SYNE1: variants seen among roughly 807,000 people sequenced by gnomAD.
SYNE1 encodes the protein spectrin repeat containing nuclear envelope protein 1.
Under a neutral mutation model 1,111.0 loss-of-function variants are expected in SYNE1, and 616 were observed. The observed-to-expected ratio is 0.55, with a 90% CI of 0.52 to 0.59. The LOEUF (loss-of-function observed/expected upper bound fraction) is 0.59, where lower values mean the gene tolerates loss of function less well. Among genes scored for constraint, SYNE1 ranks in the 20% least tolerant of loss-of-function variants. The pLI is 0.00. For missense variants in SYNE1, 10,006 were observed against 10,417.0 expected (o/e 0.96, Z 1.72); for synonymous variants, 3,855 against 3,825.8 (o/e 1.01, Z -0.28).
At chr6:152,355,204 C>T (rs2096815699) in intron 66 of SYNE1, among the ~76,000 whole-genome samples, 1 of 152,058 alleles carries the variant, frequency 6.6e-6, no homozygotes, top group Admixed American at 6.6e-5. Flanking sequence ...ACACACACCC[C>T]AATATTTTTC....
chr6:152,488,212 A>G (rs533871534), intron 12 of SYNE1, among the ~76,000 whole-genome samples, 184 bp downstream of exon 12: 9 of 152,330 alleles, frequency 5.9e-5, no homozygotes, highest in African/African-American at 2.2e-4. Context: ...GCAACTTAAG[A>G]CTATCTACAT....
intron 3 of SYNE1, among the ~76,000 whole-genome samples, chr6:152,545,302 G>A (rs1918335): frequency 0.024 from 3,724 of 152,060 alleles, 146 homozygotes; most frequent in African/African-American, 0.084. Context: ...GGAAGAGTCC[G>A]GGTGCTGTGG....
chr6:152,631,991 A>G (rs2099698675), intron 2 of SYNE1, among the ~76,000 whole-genome samples: 1 of 151,992 alleles, frequency 6.6e-6, no homozygotes, highest in African/African-American at 2.4e-5. Flanking sequence ...TCCACATACC[A>G]CTTGAAGCTT....
intron 140 of SYNE1, among the ~76,000 whole-genome samples, chr6:152,138,128 G>C (rs964479500): frequency 2.0e-5 from 3 of 152,112 alleles, no homozygotes; most frequent in African/African-American, 7.2e-5. Context: ...GAAATTCATG[G>C]GGTAGTGTAG....
chr6:152,228,038 G>A (rs2081996265), intron 115 of SYNE1, among the ~76,000 whole-genome samples: 1 of 152,124 alleles, frequency 6.6e-6, no homozygotes, highest in South Asian at 2.1e-4. Flanking sequence ...AAAAGACTGG[G>A]AAAATACTCA....
intron 3 of SYNE1, among the ~76,000 whole-genome samples, chr6:152,584,731 G>A (rs141920783): frequency 0.012 from 1,887 of 152,180 alleles, 24 homozygotes; most frequent in Middle Eastern, 0.024. Flanking sequence ...ATTTAATATA[G>A]CAAGTTAACG....
chr6:152,437,480 T>C (rs1429613752), intron 32 of SYNE1, among the ~76,000 whole-genome samples: 1 of 152,194 alleles, frequency 6.6e-6, no homozygotes, highest in Non-Finnish European at 1.5e-5. Flanking sequence ...TTGTTTTTTA[T>C]GTCTCTCATA....
At chr6:152,236,498 A>T (rs557269402) in intron 109 of SYNE1, among the ~76,000 whole-genome samples, 195 bp from the exon 110 acceptor site, 4 of 149,392 alleles carry the variant, frequency 2.7e-5, no homozygotes, top group Non-Finnish European at 6.0e-5. Flanking sequence ...GTTGTTTATT[A>T]TTTTTTTTTT....
At chr6:152,265,731 C>G (rs887406351) in intron 100 of SYNE1, among the ~76,000 whole-genome samples, 1 of 152,118 alleles carries the variant, frequency 6.6e-6, no homozygotes, top group Non-Finnish European at 1.5e-5. Context: ...ATATTGACAT[C>G]AACAAATTTC....
At chr6:152,406,528 A>C in intron 45 of SYNE1, among the ~76,000 whole-genome samples, 1 of 152,118 alleles carries the variant, frequency 6.6e-6, no homozygotes, top group East Asian at 1.9e-4. Flanking sequence ...CAAATTAAAT[A>C]GCAAAAGATA....
chr6:152,155,932 T>C lies in SYNE1; in HGVS notation c.23956A>G (p.Met7986Val), dbSNP rs140784556. Residue 7986 changes from methionine to valine, a missense_variant, in exon 132 of 146, where the codon ATG becomes GTG. Physicochemically the swap from Met to Val is conservative, Grantham distance 21. Around this residue, in one of 7 missense-constraint regions of SYNE1, gnomAD observed 2,182 missense variants for 2,287.8 expected, o/e 0.95. Transcript: ENST00000367255. ...CACTTCAGCCTCCTTTCCATGGACA[T>C]AGCACAAATGTTTCTCCACCGCCGG... ...LDRRWRNICA[M>V]SMERRLKIEE... The C allele has an allele frequency of 3.0e-5, 49 of 1,614,012 alleles. No homozygotes were observed. The highest frequency in any genetic ancestry group is 1.6e-4 in the Middle Eastern group (1 of 6,064).
Position 152,330,408 on chromosome 6 carries a change from A to C in SYNE1, c.14277T>G (p.Tyr4759Ter), listed in dbSNP as rs1340209505. Reference sequence around the variant, plus strand: ...GTTCTGTTTGTCGCTTCAGCCTGTGATATAAGGTGACAAGGTGCAGCATCT... The same window carrying C: ...GTTCTGTTTGTCGCTTCAGCCTGTGCTATAAGGTGACAAGGTGCAGCATCT... ...PDKMLHLVTL[Y>*]HRLKRQTEQR... is the part of the protein sequence containing the mutation. Residue 4759 changes from tyrosine to a stop codon, truncating the protein, a stop_gained, in exon 78 of 146, where the codon TAT becomes TAG. Transcript: ENST00000367255. LOFTEE classifies it high-confidence loss of function. 6 of 1,614,090 alleles carry C rather than the reference A, an allele frequency of 3.7e-6. No individual in the cohort carries two copies. The highest frequency in any genetic ancestry group is 1.3e-5 in the African/African-American group (1 of 75,026).
At chr6:152,336,136 T>G (rs1249759213) in intron 76 of SYNE1, 1 of 153,498 alleles carries the variant, frequency 6.5e-6, no homozygotes, top group African/African-American at 2.4e-5. Flanking sequence ...TAGCATAATA[T>G]GGTGATGAAA....
At chr6:152,393,423 T>A (rs1324779942) in intron 51 of SYNE1, among the ~76,000 whole-genome samples, 1 of 151,914 alleles carries the variant, frequency 6.6e-6, no homozygotes, top group Non-Finnish European at 1.5e-5. Context: ...AAAGCAAAAT[T>A]TAAGTGCAAT....
At chr6:152,464,197 T>C (rs1220948084) in intron 18 of SYNE1, among the ~76,000 whole-genome samples, 2 of 152,184 alleles carry the variant, frequency 1.3e-5, no homozygotes, top group Non-Finnish European at 2.9e-5. Flanking sequence ...CTCTTGGCAA[T>C]GAAACAGTTT....
chr6:152,336,792 C>G (rs752520953), intron 76 of SYNE1, 49 bp downstream of exon 76: 3 of 1,603,120 alleles, frequency 1.9e-6, no homozygotes, highest in Non-Finnish European at 2.5e-6. Context: ...TTCAGGTTTT[C>G]TACTCTGTTG....
At chr6:152,362,365 C>G in intron 63 of SYNE1, 42 bp from the exon 64 acceptor site, 1 of 1,613,544 alleles carries the variant, frequency 6.2e-7, no homozygotes. Context: ...CATTGAGAAT[C>G]CTTAGGAGTC....
chr6:152,310,262 G>A, intron 89 of SYNE1, 134 bp downstream of exon 89: 5 of 1,348,442 alleles, frequency 3.7e-6, no homozygotes, highest in Non-Finnish European at 5.1e-6. Flanking sequence ...GCCAACATAG[G>A]GATACCCTGT....
chr6:152,214,058 G>A (rs1047024397), intron 122 of SYNE1, among the ~76,000 whole-genome samples: 6 of 151,826 alleles, frequency 4.0e-5, no homozygotes, highest in African/African-American at 1.5e-4. Context: ...AAAATTAGCC[G>A]GGTGTGGTGG....
Sources: gnomAD v4.1 joint callset for allele counts (sites outside exome capture counted in the v4.1 genomes callset) on GRCh38, gnomAD v4.1.1 for gene constraint, gnomAD v4.1.1 regional missense constraint, MANE v1.5 for transcripts, NCBI Gene and HGNC (gene_info 2026-07-23, HGNC 2026-07-21) for gene names.